Variants in MRPL1 observed in about 807,000 individuals in gnomAD.
MRPL1 encodes the protein mitochondrial ribosomal protein L1.
In MRPL1, 28 loss-of-function variants were observed where a neutral mutation model predicts 38.0. The observed-to-expected ratio is 0.74, with a 90% CI of 0.55 to 1.01. The LOEUF is 1.01. MRPL1 is among the 50% of genes least tolerant of loss of function. MRPL1 has a pLI of 0.00. For missense variants in MRPL1, 358 were observed against 389.8 expected (o/e 0.92, Z 0.69); for synonymous variants, 123 against 126.7 (o/e 0.97, Z 0.20).
chr4:77,881,841 C>T (rs954309395), intron 2 of MRPL1, among the ~76,000 whole-genome samples: 6 of 152,120 alleles, frequency 3.9e-5, no homozygotes, highest in Non-Finnish European at 7.4e-5. Context: ...GAAGAAAGGG[C>T]GGGAACAGAC....
chr4:77,932,097 C>T (rs982054116), intron 7 of MRPL1, among the ~76,000 whole-genome samples: 5 of 152,160 alleles, frequency 3.3e-5, no homozygotes, highest in African/African-American at 1.2e-4. Context: ...ACAAAACTTG[C>T]TTACTTGTTT....
intron 4 of MRPL1, among the ~76,000 whole-genome samples, chr4:77,886,528 T>C (rs1735679734): frequency 6.6e-6 from 1 of 152,080 alleles, no homozygotes. Context: ...GAGACGGGGT[T>C]TCTCCACGTT....
intron 7 of MRPL1, among the ~76,000 whole-genome samples, chr4:77,945,152 T>C (rs1445794601): frequency 6.9e-6 from 1 of 145,418 alleles, no homozygotes; most frequent in Non-Finnish European, 1.5e-5. Flanking sequence ...TTATTATTAT[T>C]ATTATTATTA....
At chr4:77,908,133 A>G (rs939344001) in intron 6 of MRPL1, among the ~76,000 whole-genome samples, 2 of 151,210 alleles carry the variant, frequency 1.3e-5, no homozygotes, top group African/African-American at 2.4e-5. Flanking sequence ...ATCATTCACT[A>G]TGATATTGTT....
intron 7 of MRPL1, among the ~76,000 whole-genome samples, chr4:77,948,330 C>G (rs1737321499): frequency 3.3e-5 from 5 of 152,098 alleles, no homozygotes; most frequent in Admixed American, 2.6e-4. Flanking sequence ...ATGCTGATGC[C>G]TTTAGCCTTT....
rs182345742 is a variant in MRPL1 at position 77,924,012 on chromosome 4, A to G, written c.777+14640A>G. On this transcript the variant is annotated intron_variant, in intron 7 of 8. Coordinates refer to ENST00000315567, the MANE Select transcript of MRPL1 (RefSeq NM_020236.4). ...TAGGACTCTGTCTCAAAAAAAAAAA[A>G]AATAGTTTAATGATACTATACTTAT... 4.6e-3 allele frequency among the ~76,000 whole-genome samples: 707 copies of G among 152,200 alleles called. 2 individuals carry two copies. Among genetic ancestry groups the G allele is most frequent in the Middle Eastern group, 6.8e-3 (2 of 294 alleles).
intron 7 of MRPL1, among the ~76,000 whole-genome samples, chr4:77,942,149 C>T (rs553477134): frequency 4.5e-4 from 69 of 152,166 alleles, no homozygotes; most frequent in African/African-American, 1.5e-3. Flanking sequence ...CATTCAGGAG[C>T]AGGCTGTTTA....
chr4:77,888,985 T>A (rs1735746128), intron 5 of MRPL1, among the ~76,000 whole-genome samples: 1 of 152,014 alleles, frequency 6.6e-6, no homozygotes, highest in South Asian at 2.1e-4. Context: ...ATAAAGCAAG[T>A]CCTTAGAGAC....
At chr4:77,913,139 A>G (rs1212611028) in intron 7 of MRPL1, among the ~76,000 whole-genome samples, 1 of 152,126 alleles carries the variant, frequency 6.6e-6, no homozygotes, top group Non-Finnish European at 1.5e-5. Flanking sequence ...TAAGACATGA[A>G]AAGCATGATC....
At chr4:77,894,387 A>G in intron 6 of MRPL1, 137 bp downstream of exon 6, 3 of 556,746 alleles carry the variant, frequency 5.4e-6, no homozygotes, top group Non-Finnish European at 9.4e-6. Flanking sequence ...ACGAGAACCT[A>G]CGGGTTTGAT....
chr4:77,883,938 C>T (rs1400212045), intron 3 of MRPL1, among the ~76,000 whole-genome samples: 1 of 152,076 alleles, frequency 6.6e-6, no homozygotes, highest in Non-Finnish European at 1.5e-5. Flanking sequence ...TCTTTCTGTA[C>T]TTTAGCATGA....
intron 2 of MRPL1, among the ~76,000 whole-genome samples, chr4:77,872,777 C>T (rs755277812): frequency 3.9e-4 from 60 of 152,272 alleles, no homozygotes; most frequent in Non-Finnish European, 6.3e-4. Flanking sequence ...GTGGGAGAAT[C>T]GCTTGAACCT....
At chr4:77,922,467 T>G (rs1422871756) in intron 7 of MRPL1, among the ~76,000 whole-genome samples, 1 of 152,180 alleles carries the variant, frequency 6.6e-6, no homozygotes, top group Non-Finnish European at 1.5e-5. Flanking sequence ...ACTAACATGA[T>G]CTGGCTTCTA....
chr4:77,894,095 C>A, intron 5 of MRPL1, 44 bp from the exon 6 acceptor site: 3 of 1,084,700 alleles, frequency 2.8e-6, no homozygotes, highest in South Asian at 1.4e-5. Flanking sequence ...AACGATAAAG[C>A]TTTTCATCTC....
rs144283706 is a variant in MRPL1, at chr4:77,928,030, T to A, written c.777+18658T>A. On this transcript the variant is annotated intron_variant, in intron 7 of 8. Coordinates refer to ENST00000315567, the MANE Select transcript of MRPL1 (RefSeq NM_020236.4). ...CAAAGCCTTTGATATGTTCTTTGTT[T>A]TTCTTCTTTTTAAAGTGTAGACATG... Among the ~76,000 whole-genome samples, 519 of 152,322 alleles carry A rather than the reference T, an allele frequency of 3.4e-3. 4 individuals carry two copies. Among genetic ancestry groups the A allele is most frequent in the African/African-American group, 0.012 (508 of 41,578 alleles).
In MRPL1 at chr4:77,879,631, A is replaced by G. The variant is rs554754980; in HGVS notation, c.144-3611A>G. On this transcript the variant is annotated intron_variant, in intron 2 of 8. Transcript: ENST00000315567. ...TAAGCCTGGAGGCTACAGCTAGAAC[A>G]TTTTGTTATTTTAAATAGGAGAATT... 2.7e-4 allele frequency among the ~76,000 whole-genome samples: 41 copies of G among 152,312 alleles called. No homozygotes were observed. The South Asian group carries it at 6.2e-3, about 23-fold the overall frequency.
intron 2 of MRPL1, among the ~76,000 whole-genome samples, chr4:77,879,458 T>A (rs1232161131): frequency 6.6e-6 from 1 of 152,228 alleles, no homozygotes; most frequent in Non-Finnish European, 1.5e-5. Context: ...AGACTCTTTA[T>A]GTATCAGACT....
At chr4:77,885,686 A>G (rs549047786) in intron 4 of MRPL1, among the ~76,000 whole-genome samples, 1 of 152,212 alleles carries the variant, frequency 6.6e-6, no homozygotes, top group South Asian at 2.1e-4. Flanking sequence ...TTTTTTTTAG[A>G]GATCACAAAT....
intron 8 of MRPL1, among the ~76,000 whole-genome samples, chr4:77,951,649 G>GA (rs1353451072): frequency 6.6e-6 from 1 of 152,104 alleles, no homozygotes; most frequent in Admixed American, 6.5e-5. Flanking sequence ...ACATTGATAA[G>GA]AAAAAAATAG....
Sources: gnomAD v4.1 joint callset for allele counts (sites outside exome capture counted in the v4.1 genomes callset) on GRCh38, gnomAD v4.1.1 for gene constraint, MANE v1.5 for transcripts, NCBI Gene and HGNC (gene_info 2026-07-23, HGNC 2026-07-21) for gene names.